The following RANBP2 variants were observed in gnomAD, a reference collection of about 807,000 sequenced individuals.
The protein encoded by RANBP2 is E3 SUMO-protein ligase RanBP2.
RANBP2 carries 57 observed loss-of-function variants against 303.6 expected under a neutral mutation model. The ratio of observed to expected loss-of-function variants is 0.19; its 90% CI spans 0.15 to 0.23. The LOEUF is 0.23. Ranked by LOEUF, RANBP2 falls within the 10% of genes least tolerant of loss-of-function variation. The probability of loss-of-function intolerance (pLI) is 1.00; values close to 1 mark genes in which losing one functional copy is unlikely to be tolerated. For missense variants in RANBP2, 3,138 were observed against 3,780.8 expected (o/e 0.83, Z 4.46); for synonymous variants, 1,167 against 1,301.5 (o/e 0.90, Z 2.23).
chr2:109,697,278 T>C, the RANBP2 span, among the ~76,000 whole-genome samples: 1 of 152,092 alleles, frequency 6.6e-6, no homozygotes, highest in Non-Finnish European at 1.5e-5. Context: ...TCACCTGAGG[T>C]TGGGAGTTCG....
At chr2:108,823,792 C>T in the RANBP2 span, among the ~76,000 whole-genome samples, 83 of 152,178 alleles carry the variant, frequency 5.5e-4, no homozygotes, top group African/African-American at 2.0e-3. Flanking sequence ...CCAGCCTGGC[C>T]AATGTGAAAC....
the RANBP2 span, among the ~76,000 whole-genome samples, chr2:109,509,753 GACTCATT>G: frequency 1.3e-5 from 2 of 151,892 alleles, no homozygotes; most frequent in South Asian, 4.2e-4. Context: ...CCCACCAATG[GACTCATT>G]TTAATTTAAT....
At chr2:108,986,164 T>G in the RANBP2 span, among the ~76,000 whole-genome samples, 16 of 151,442 alleles carry the variant, frequency 1.1e-4, no homozygotes, top group Admixed American at 5.3e-4. Flanking sequence ...CCATTTTGAG[T>G]TTTTTTTTAG....
intron 6 of RANBP2, among the ~76,000 whole-genome samples, chr2:108,737,910 T>G (rs557319261): frequency 6.6e-5 from 10 of 151,504 alleles, no homozygotes; most frequent in East Asian, 5.9e-4. Flanking sequence ...GAGACGGGGT[T>G]TCACCGTGTT....
chr2:109,135,883 C>T, the RANBP2 span, among the ~76,000 whole-genome samples: 1 of 152,134 alleles, frequency 6.6e-6, no homozygotes, highest in South Asian at 2.1e-4. Context: ...AGGGAAAAAA[C>T]GTCTAAGCCA....
chr2:108,779,896 AG>A (rs1678125290), intron 25 of RANBP2, among the ~76,000 whole-genome samples: 1 of 152,200 alleles, frequency 6.6e-6, no homozygotes, highest in African/African-American at 2.4e-5. Context: ...TAGCTTCTTC[AG>A]GAAGAAGTAG....
the RANBP2 span, among the ~76,000 whole-genome samples, chr2:109,555,180 T>G: frequency 1.3e-5 from 2 of 152,194 alleles, no homozygotes; most frequent in Non-Finnish European, 2.9e-5. Flanking sequence ...CACATTAAAG[T>G]TATGCTATCT....
At chr2:108,750,811 A>G (rs1284937932) in intron 9 of RANBP2, among the ~76,000 whole-genome samples, 1 of 152,122 alleles carries the variant, frequency 6.6e-6, no homozygotes, top group Admixed American at 6.5e-5. Flanking sequence ...CTGGTCTCGA[A>G]CTCCTGACTG....
the RANBP2 span, among the ~76,000 whole-genome samples, chr2:109,652,076 CGGT>C: frequency 3.3e-5 from 5 of 152,166 alleles, no homozygotes; most frequent in African/African-American, 1.2e-4. Context: ...GGCAGCTGCA[CGGT>C]AGTGGGTTGC....
At position 108,767,314 on chromosome 2, in the gene RANBP2, C is replaced by T. The variant is rs1019008232; in HGVS notation, c.6775C>T (p.Arg2259Cys). The T allele has an allele frequency of 8.7e-6, 14 of 1,611,906 alleles. No individual in the cohort carries two copies. Among genetic ancestry groups the T allele is most frequent in the African/African-American group, 2.7e-5 (2 of 74,842 alleles). Residue 2259 changes from arginine to cysteine, a missense_variant, in exon 20 of 29, where the codon CGT becomes TGT. Arg to Cys is a radical substitution (Grantham distance 180, BLOSUM62 -3). This residue lies in a region of RANBP2 where 72 missense variants were observed against 86.8 expected (regional missense o/e 0.83). Coordinates refer to ENST00000283195, the MANE Select transcript of RANBP2 (RefSeq NM_006267.5). ...TAGCCCTGTGAGAAAAAATCTTTTC[C>T]GTTTTGGTGAGTCAACAACAGGATT... is the stretch of plus-strand genomic sequence containing the variant. ...ASSPVRKNLFRFGESTTGFNF... is the reference protein window; with the variant it reads ...ASSPVRKNLFCFGESTTGFNF...
the RANBP2 span, among the ~76,000 whole-genome samples, chr2:109,513,219 C>A: frequency 6.6e-6 from 1 of 152,132 alleles, no homozygotes; most frequent in Non-Finnish European, 1.5e-5. Flanking sequence ...AGCACCCAGG[C>A]CCCATGGATT....
chr2:108,972,646 C>G, the RANBP2 span, among the ~76,000 whole-genome samples: 51 of 152,382 alleles, frequency 3.3e-4, 3 homozygotes, highest in East Asian at 9.8e-3. Flanking sequence ...CTTCCCCACT[C>G]TGCTTGCCTT....
chr2:108,910,917 A>T, the RANBP2 span: 3 of 1,613,960 alleles, frequency 1.9e-6, no homozygotes, highest in Non-Finnish European at 2.5e-6. Context: ...GAGTCCAGGA[A>T]GCAGGGCACC....
the RANBP2 span, among the ~76,000 whole-genome samples, chr2:109,720,962 C>T: frequency 2.6e-5 from 4 of 152,292 alleles, no homozygotes; most frequent in East Asian, 7.7e-4. Context: ...AGCTCAGCAG[C>T]CTTGCTCACC....
At chr2:109,782,144 C>T in the RANBP2 span, among the ~76,000 whole-genome samples, 1 of 7,014 alleles carries the variant, frequency 1.4e-4, no homozygotes, top group African/African-American at 1.6e-4. Context: ...TTTTTTGAGA[C>T]GGAGTTTTGC....
In RANBP2 at chr2:108,754,935, A is replaced by T; in HGVS notation, c.2233A>T (p.Met745Leu). 6.2e-7 allele frequency: 1 copy of T among 1,611,754 alleles called. No homozygotes were observed. Among genetic ancestry groups the T allele is most frequent in the Non-Finnish European group, 8.5e-7 (1 of 1,179,776 alleles). ...TGTGCCCCTGGAGTCTGTAAAAGAG[A>T]TGCTTAATTCAGTCATGCAGGAACT... ...LPVPLESVKE[M>L]LNSVMQELED... is the part of the protein sequence containing the mutation. The change falls in exon 16 of 29, where the codon ATG becomes TTG. Residue 745 changes from methionine (M) to leucine (L), a missense_variant. Met to Leu is a conservative substitution (Grantham distance 15, BLOSUM62 2). This residue lies in a region of RANBP2 where 194 missense variants were observed against 197.4 expected (regional missense o/e 0.98). Coordinates refer to ENST00000283195, the MANE Select transcript of RANBP2 (RefSeq NM_006267.5).
the RANBP2 span, among the ~76,000 whole-genome samples, chr2:109,728,233 G>A: frequency 6.6e-6 from 1 of 152,052 alleles, no homozygotes; most frequent in Non-Finnish European, 1.5e-5. Context: ...TCTCTAAAGT[G>A]GCTTCTTCAG....
chr2:109,568,012 GA>G, the RANBP2 span: 1 of 1,490,314 alleles, frequency 6.7e-7, no homozygotes, highest in African/African-American at 1.4e-5. Flanking sequence ...TCTTACTGAG[GA>G]TTTTTTTTTT....
the RANBP2 span, among the ~76,000 whole-genome samples, chr2:109,541,568 C>T: frequency 2.0e-5 from 3 of 152,224 alleles, no homozygotes; most frequent in Admixed American, 1.3e-4. Context: ...GATTTATAAA[C>T]TTTCCTGGGA....
Sources: allele counts gnomAD v4.1 joint callset (sites outside exome capture counted in the v4.1 genomes callset), GRCh38; gene constraint gnomAD v4.1.1; regional missense constraint gnomAD v4.1.1; transcripts MANE v1.5; gene names NCBI Gene and HGNC (gene_info 2026-07-23, HGNC 2026-07-21).